Variants in BLTP1 observed in about 807,000 individuals in gnomAD.
BLTP1 encodes fragile site-associated protein.
At chr4:122,317,319 G>A in the BLTP1 span, among the ~76,000 whole-genome samples, 2 of 150,824 alleles carry the variant, frequency 1.3e-5, no homozygotes, top group Non-Finnish European at 2.9e-5. Context: ...GTGACACAGC[G>A]AGACTCCATC....
the BLTP1 span, among the ~76,000 whole-genome samples, chr4:122,184,202 A>G: frequency 6.6e-6 from 1 of 152,210 alleles, no homozygotes; most frequent in South Asian, 2.1e-4. Flanking sequence ...GCTCAAAGTT[A>G]AGTGAATGTG....
chr4:122,271,238 G>A, the BLTP1 span: 8 of 1,613,754 alleles, frequency 5.0e-6, no homozygotes, highest in Non-Finnish European at 6.8e-6. Flanking sequence ...TATGGCTTTG[G>A]TTCGTCTTAT....
At chr4:122,261,575 A>G in the BLTP1 span, 2 of 984,368 alleles carry the variant, frequency 2.0e-6, no homozygotes, top group South Asian at 9.4e-5. Context: ...TCTTTTTGGC[A>G]TTTCAGAGCT....
At chr4:122,208,985 TAAA>T in the BLTP1 span, 4,943 of 358,674 alleles carry the variant, frequency 0.014, 2 homozygotes, top group Non-Finnish European at 0.016. Context: ...GTGAGACCAT[TAAA>T]AAAAAAAAAA....
chr4:122,199,901 A>C, the BLTP1 span: 1 of 977,838 alleles, frequency 1.0e-6, no homozygotes, highest in Non-Finnish European at 1.2e-6. Flanking sequence ...GGATTGTTTC[A>C]TATTATAAAG....
the BLTP1 span, chr4:122,180,196 A>G: frequency 3.3e-4 from 326 of 984,844 alleles, no homozygotes; most frequent in Non-Finnish European, 3.8e-4. Context: ...GTCATTTACT[A>G]ATATTGTGAC....
chr4:122,309,374 A>T, the BLTP1 span: 1 of 1,613,558 alleles, frequency 6.2e-7, no homozygotes, highest in Non-Finnish European at 8.5e-7. Flanking sequence ...AGGGCATTTC[A>T]AAAACTTTTG....
At chr4:122,261,594 A>T in the BLTP1 span, 1 of 984,278 alleles carries the variant, frequency 1.0e-6, no homozygotes, top group Non-Finnish European at 1.2e-6. Context: ...CTCTCCAGAG[A>T]ATTAAATCTT....
the BLTP1 span, chr4:122,205,988 G>A: frequency 9.1e-6 from 9 of 984,816 alleles, no homozygotes; most frequent in Non-Finnish European, 1.1e-5. Flanking sequence ...ATGGTAGATG[G>A]TAGATCAGTG....
the BLTP1 span, chr4:122,221,960 G>T: frequency 1.1e-6 from 1 of 927,440 alleles, no homozygotes; most frequent in Non-Finnish European, 1.3e-6. Flanking sequence ...GATTATGAAT[G>T]TTCACATTAA....
the BLTP1 span, chr4:122,154,112 G>C: frequency 3.1e-6 from 3 of 983,116 alleles, no homozygotes; most frequent in Non-Finnish European, 3.6e-6. Context: ...AAAAAACTTG[G>C]GTAAGTATTT....
chr4:122,215,429 T>TTGC, the BLTP1 span: 12 of 985,292 alleles, frequency 1.2e-5, no homozygotes, highest in Non-Finnish European at 1.3e-5. Context: ...AACTGTTTTG[T>TTGC]TGGTACATGT....
chr4:122,175,970 T>C, the BLTP1 span: 1 of 898,962 alleles, frequency 1.1e-6, no homozygotes, highest in East Asian at 2.5e-5. Flanking sequence ...CAGGATTTTA[T>C]GAAAACTAAT....
At chr4:122,165,124 GGTTA>G in the BLTP1 span, among the ~76,000 whole-genome samples, 1 of 151,848 alleles carries the variant, frequency 6.6e-6, no homozygotes, top group African/African-American at 2.4e-5. Flanking sequence ...ATAACGTGCA[GGTTA>G]GTTACATACG....
the BLTP1 span, among the ~76,000 whole-genome samples, chr4:122,350,988 C>G: frequency 6.6e-6 from 1 of 152,098 alleles, no homozygotes; most frequent in Admixed American, 6.6e-5. Context: ...AAAAAATACT[C>G]CCTTTTAAAG....
the BLTP1 span, among the ~76,000 whole-genome samples, chr4:122,213,990 G>C: frequency 1.3e-5 from 2 of 152,032 alleles, no homozygotes; most frequent in Non-Finnish European, 2.9e-5. Context: ...CTGCATGAAA[G>C]GGTATATATG....
the BLTP1 span, chr4:122,192,234 G>A: frequency 6.2e-7 from 1 of 1,612,432 alleles, no homozygotes; most frequent in Non-Finnish European, 8.5e-7. Context: ...TATAGGACTT[G>A]TTCCGGAAGA....
chr4:122,189,311 A>G, the BLTP1 span: 1 of 980,072 alleles, frequency 1.0e-6, no homozygotes, highest in African/African-American at 1.7e-5. Flanking sequence ...AGATATTGTG[A>G]TGTATGTATG....
chr4:122,292,470 T>C, the BLTP1 span: 1 of 844,908 alleles, frequency 1.2e-6, no homozygotes, highest in Non-Finnish European at 1.4e-6. Context: ...ATTTCAGATA[T>C]GTTAAAACAT....
Sources: gnomAD v4.1 joint callset for allele counts (sites outside exome capture counted in the v4.1 genomes callset) on GRCh38, gnomAD v4.1.1 for gene constraint, MANE v1.5 for transcripts, NCBI Gene and HGNC (gene_info 2026-07-23, HGNC 2026-07-21) for gene names.